Variants in ZNF136 observed in about 807,000 individuals in gnomAD.
ZNF136 encodes zinc finger protein 136, also known as zinc finger protein 136 (clone pHZ-20).
Under a neutral mutation model 11.4 loss-of-function variants are expected in ZNF136, and 8 were observed. That is an observed-to-expected ratio of 0.70 (90% CI 0.41 to 1.27). The LOEUF is 1.27. Among genes scored for constraint, ZNF136 ranks in the 50% most tolerant of loss-of-function variants. ZNF136 has a pLI of 0.01. For missense variants in ZNF136, 590 were observed against 656.5 expected (o/e 0.90, Z 1.11); for synonymous variants, 190 against 207.1 (o/e 0.92, Z 0.71).
At chr19:12,164,475 C>T (rs931531346) in intron 1 of ZNF136, among the ~76,000 whole-genome samples, 45 of 139,792 alleles carry the variant, frequency 3.2e-4, no homozygotes, top group Non-Finnish European at 2.1e-4. Context: ...GACGGAGTCT[C>T]TCTGTCGCCC....
Position 12,187,663 on chromosome 19 carries a change from T to TG in ZNF136, c.1285_1286insG (p.Phe429CysfsTer11). The stretch of plus-strand genomic sequence containing the variant: ...TGTATGTAAACATTGTGGTAAAGCT[T>TG]TCGTTTCTTCAACATCAATTCGAAT... On this transcript the variant is annotated frameshift_variant, in exon 4 of 4. Coordinates refer to ENST00000343979, the MANE Select transcript of ZNF136 (RefSeq NM_003437.5). LOFTEE classifies it low-confidence loss of function (END_TRUNC). The TG allele has an allele frequency of 1.2e-6, 2 of 1,614,138 alleles. No individual in the cohort carries two copies. Among genetic ancestry groups the TG allele is most frequent in the Admixed American group, 1.7e-5 (1 of 60,014 alleles).
chr19:12,170,073 CGTG>C, intron 1 of ZNF136, among the ~76,000 whole-genome samples: 1 of 148,920 alleles, frequency 6.7e-6, no homozygotes, highest in Non-Finnish European at 1.5e-5. Flanking sequence ...GGATTACAGG[CGTG>C]AGCCACCACG....
chr19:12,174,667 G>A (rs1457587646), intron 1 of ZNF136, among the ~76,000 whole-genome samples: 4 of 150,876 alleles, frequency 2.7e-5, no homozygotes, highest in Admixed American at 6.6e-5. Flanking sequence ...ACGGAGTCTC[G>A]CTCTGTTGCC....
At chr19:12,184,285 G>A (rs1161299594) in intron 1 of ZNF136, among the ~76,000 whole-genome samples, 1 of 151,894 alleles carries the variant, frequency 6.6e-6, no homozygotes, top group Non-Finnish European at 1.5e-5. Flanking sequence ...AGAGGGCTGG[G>A]TGTGGTGGCT....
chr19:12,187,760 A>C lies in ZNF136; in HGVS notation c.1382A>C (p.Asn461Thr). ...TGTGGGAAAGCCTTCAGTTATCTCA[A>C]CTCCTTTCGAACACATGAAATGATT... The part of the protein sequence containing the change: ...KQCGKAFSYL[N>T]SFRTHEMIHT... The change falls in exon 4 of 4, where the codon AAC becomes ACC. Residue 461 changes from asparagine to threonine, a missense_variant. Coordinates refer to ENST00000343979, the MANE Select transcript of ZNF136 (RefSeq NM_003437.5). 1 of 1,611,092 alleles carries C rather than the reference A, an allele frequency of 6.2e-7. No individual in the cohort carries two copies.
At chr19:12,180,512 C>T (rs542074335) in intron 1 of ZNF136, among the ~76,000 whole-genome samples, 133 of 152,104 alleles carry the variant, frequency 8.7e-4, no homozygotes, top group African/African-American at 3.0e-3. Flanking sequence ...AGGAAATAAG[C>T]ACTTTGAAGG....
chr19:12,187,348 C>T lies in ZNF136; in HGVS notation c.970C>T (p.Arg324Ter), dbSNP rs149038305. The change falls in exon 4 of 4, where the codon CGA (arginine) becomes TGA (stop). Residue 324 changes from arginine to a stop codon, truncating the protein, a stop_gained. Coordinates refer to ENST00000343979, the MANE Select transcript of ZNF136 (RefSeq NM_003437.5). LOFTEE classifies it low-confidence loss of function (END_TRUNC). ...GKAFSYLPSL[R>*]LHERIHTGEK... The stretch of plus-strand genomic sequence containing the variant: ...GGCCTTCAGTTATCTCCCCTCCCTT[C>T]GACTACATGAAAGAATTCACACTGG... 8.1e-6 allele frequency: 13 copies of T among 1,613,946 alleles called. No individual in the cohort carries two copies. The highest frequency in any genetic ancestry group is 1.3e-5 in the African/African-American group (1 of 74,888).
rs1375920292 is a variant in ZNF136, at chr19:12,186,106, T to C, written c.131-8T>C. 1.2e-6 allele frequency: 2 copies of C among 1,606,128 alleles called. No individual in the cohort carries two copies. The highest frequency in any genetic ancestry group is 1.7e-6 in the Non-Finnish European group (2 of 1,178,070). ...CTAATTCAGAATTTTTCTGGGTCTC[T>C]GTTTTAGGGAAAAAATGGAAGGACC... On this transcript the variant is annotated splice_polypyrimidine_tract_variant and splice_region_variant and intron_variant, in intron 2 of 3. Transcript: ENST00000343979.
chr19:12,183,500 C>T (rs1914997436), intron 1 of ZNF136, among the ~76,000 whole-genome samples: 1 of 152,086 alleles, frequency 6.6e-6, no homozygotes, highest in Non-Finnish European at 1.5e-5. Context: ...GGAGAAAAAG[C>T]TCAGAGAAAT....
intron 1 of ZNF136, among the ~76,000 whole-genome samples, chr19:12,175,355 T>A (rs187516730): frequency 6.6e-6 from 1 of 151,962 alleles, no homozygotes; most frequent in South Asian, 2.1e-4. Flanking sequence ...TCATCACACC[T>A]GGCTAATTTT....
At chr19:12,186,022 C>G (rs1305977440) in intron 2 of ZNF136, 92 bp from the exon 3 acceptor site, 1 of 1,591,444 alleles carries the variant, frequency 6.3e-7, no homozygotes, top group Non-Finnish European at 8.6e-7. Context: ...GGGGCTAAAA[C>G]AGGCATAGTC....
At chr19:12,175,055 G>C (rs1003747410) in intron 1 of ZNF136, among the ~76,000 whole-genome samples, 1 of 151,628 alleles carries the variant, frequency 6.6e-6, no homozygotes, top group Admixed American at 6.6e-5. Context: ...ACAGTGTTTC[G>C]CCATATTGAC....
intron 1 of ZNF136, among the ~76,000 whole-genome samples, chr19:12,175,190 C>G (rs1038000997): frequency 2.7e-5 from 4 of 147,318 alleles, no homozygotes; most frequent in African/African-American, 1.0e-4. Flanking sequence ...ATTCTGTTTT[C>G]TTTCGATTTT....
intron 1 of ZNF136, among the ~76,000 whole-genome samples, chr19:12,172,308 G>A (rs906092685): frequency 1.3e-5 from 2 of 152,126 alleles, no homozygotes; most frequent in East Asian, 3.9e-4. Context: ...GCTGGAGACT[G>A]GCTAAAACTT....
intron 1 of ZNF136, chr19:12,185,455 A>G (rs1047588515): frequency 5.2e-5 from 10 of 192,062 alleles, no homozygotes; most frequent in Non-Finnish European, 2.1e-5. Flanking sequence ...GACTGCTAAT[A>G]TAAACTCTTT....
chr19:12,183,139 GTTGTT>G (rs923257491), intron 1 of ZNF136, among the ~76,000 whole-genome samples: 3 of 151,400 alleles, frequency 2.0e-5, no homozygotes, highest in African/African-American at 7.3e-5. Flanking sequence ...TGTTGTTGTT[GTTGTT>G]TTGTTTTTTT....
rs1699449246 is a variant in ZNF136 at position 12,189,180 on chromosome 19, T to C, written c.*1179T>C. Reference sequence around the variant, plus strand: ...ATATTCAGGTATGTTAAATTGTATATGGTTGCTTAATTGTTCTGTGATTGA... The same window carrying C: ...ATATTCAGGTATGTTAAATTGTATACGGTTGCTTAATTGTTCTGTGATTGA... On this transcript the variant is annotated 3_prime_UTR_variant, in exon 4 of 4. Transcript: ENST00000343979. The C allele has an allele frequency of 6.6e-6, 1 of 152,186 alleles. No individual in the cohort carries two copies. The highest frequency in any genetic ancestry group is 2.4e-5 in the African/African-American group (1 of 41,446). 9.4% of individuals were successfully genotyped at this position (152,186 alleles called of 1,614,324 possible).
At chr19:12,175,454 C>G (rs1248577799) in intron 1 of ZNF136, among the ~76,000 whole-genome samples, 3 of 152,148 alleles carry the variant, frequency 2.0e-5, no homozygotes, top group Non-Finnish European at 4.4e-5. Context: ...CTCAGCCTCC[C>G]AAAGTGCTGG....
intron 2 of ZNF136, 39 bp downstream of exon 2, chr19:12,185,950 A>G: frequency 6.2e-7 from 1 of 1,610,502 alleles, no homozygotes; most frequent in Non-Finnish European, 8.5e-7. Context: ...CAATTAAAGA[A>G]GAAGTGCTTC....
Sources: gnomAD v4.1 joint callset for allele counts (sites outside exome capture counted in the v4.1 genomes callset) on GRCh38, gnomAD v4.1.1 for gene constraint, MANE v1.5 for transcripts, NCBI Gene and HGNC (gene_info 2026-07-23, HGNC 2026-07-21) for gene names.